RFC3: variants seen among roughly 807,000 people sequenced by gnomAD.
RFC3 encodes the protein replication factor C subunit 3.
In RFC3, 41 loss-of-function variants were observed where a neutral mutation model predicts 45.1. That is an observed-to-expected ratio of 0.91 (90% CI 0.71 to 1.18). RFC3 has a LOEUF of 1.18. Among genes scored for constraint, RFC3 ranks in the 50% most tolerant of loss-of-function variants. RFC3 has a pLI of 0.00. For synonymous variants in RFC3, 149 were observed against 144.0 expected, an observed-to-expected ratio of 1.03 and a Z score of -0.25; for missense variants, 423 against 428.1, an observed-to-expected ratio of 0.99 and a Z score of 0.10.
At chr13:33,833,488 A>G (rs2082122558) in intron 7 of RFC3, among the ~76,000 whole-genome samples, 1 of 152,170 alleles carries the variant, frequency 6.6e-6, no homozygotes, top group Admixed American at 6.5e-5. Context: ...TGTACTCTTA[A>G]TCACTTGTAA....
At chr13:33,834,328 A>ATATATATATATATATC (rs2082132381) in intron 7 of RFC3, among the ~76,000 whole-genome samples, 1 of 114,262 alleles carries the variant, frequency 8.8e-6, no homozygotes, top group Non-Finnish European at 1.9e-5. Context: ...ATATATATAT[A>ATATATATATATATATC]TATCTGTACT....
At chr13:33,860,865 T>G (rs2082336559) in intron 8 of RFC3, among the ~76,000 whole-genome samples, 1 of 151,958 alleles carries the variant, frequency 6.6e-6, no homozygotes, top group East Asian at 1.9e-4. Context: ...GCCAAATCCC[T>G]TTTTTTCCCC....
chr13:33,879,812 G>A (rs1318360050), intron 8 of RFC3, among the ~76,000 whole-genome samples: 2 of 152,182 alleles, frequency 1.3e-5, no homozygotes, highest in African/African-American at 4.8e-5. Context: ...AAACCAAGGT[G>A]TTGGCAGGGT....
At chr13:33,919,344 T>G (rs2137727126) in intron 8 of RFC3, among the ~76,000 whole-genome samples, 1 of 152,214 alleles carries the variant, frequency 6.6e-6, no homozygotes, top group East Asian at 1.9e-4. Context: ...ACCCTGAAAG[T>G]AGTTAGGCTG....
At chr13:33,818,848 C>T (rs2081973530) in intron 1 of RFC3, among the ~76,000 whole-genome samples, 1 of 147,512 alleles carries the variant, frequency 6.8e-6, no homozygotes, top group East Asian at 2.0e-4. Context: ...TTCTAATTCT[C>T]AAATAAATTG....
At chr13:33,960,365 T>G (rs2083049233) in intron 8 of RFC3, among the ~76,000 whole-genome samples, 1 of 152,168 alleles carries the variant, frequency 6.6e-6, no homozygotes, top group Non-Finnish European at 1.5e-5. Context: ...TCTGGTACCT[T>G]AAAGGATAAA....
At chr13:33,932,692 A>G (rs80051915) in intron 8 of RFC3, among the ~76,000 whole-genome samples, 3,715 of 152,286 alleles carry the variant, frequency 0.024, 137 homozygotes, top group African/African-American at 0.078. Context: ...TTATGTTATC[A>G]AGATAGTCAT....
intron 8 of RFC3, among the ~76,000 whole-genome samples, chr13:33,851,940 T>G (rs2082279241): frequency 6.6e-6 from 1 of 152,192 alleles, no homozygotes; most frequent in Admixed American, 6.5e-5. Context: ...TAAAATTGGC[T>G]TTCAGATATC....
At chr13:33,826,385 T>C (rs1258358429) in intron 4 of RFC3, among the ~76,000 whole-genome samples, 1 of 152,176 alleles carries the variant, frequency 6.6e-6, no homozygotes, top group Non-Finnish European at 1.5e-5. Context: ...CCAATAGCAG[T>C]GTTTGGGAGT....
intron 8 of RFC3, among the ~76,000 whole-genome samples, chr13:33,921,188 T>C (rs2082766499): frequency 6.6e-6 from 1 of 151,942 alleles, no homozygotes; most frequent in African/African-American, 2.4e-5. Context: ...AATTCAGGAG[T>C]GAATGTGGCA....
At chr13:33,946,976 C>G (rs1426904017) in intron 8 of RFC3, among the ~76,000 whole-genome samples, 1 of 152,204 alleles carries the variant, frequency 6.6e-6, no homozygotes, top group African/African-American at 2.4e-5. Context: ...AGTATACGTT[C>G]ATCAAGATAT....
chr13:33,892,616 A>G (rs1593671185), intron 8 of RFC3, among the ~76,000 whole-genome samples: 1 of 151,776 alleles, frequency 6.6e-6, no homozygotes, highest in African/African-American at 2.4e-5. Context: ...GTGTCTCCCA[A>G]CTCCCAGCCA....
At chr13:33,861,053 C>G (rs1269846256) in intron 8 of RFC3, among the ~76,000 whole-genome samples, 1 of 152,088 alleles carries the variant, frequency 6.6e-6, no homozygotes, top group Non-Finnish European at 1.5e-5. Flanking sequence ...CCAGAGCCAC[C>G]ATACCCAGCT....
downstream of RFC3, among the ~76,000 whole-genome samples, chr13:33,969,272 T>G (rs74046994): frequency 4.8e-3 from 727 of 152,270 alleles, 2 homozygotes; most frequent in African/African-American, 0.017. Context: ...ACCTCAAAGC[T>G]AAAGCAATTA....
the RFC3 span, among the ~76,000 whole-genome samples, chr13:33,976,579 A>G: frequency 6.6e-6 from 1 of 152,212 alleles, no homozygotes; most frequent in Admixed American, 6.5e-5. Context: ...TAATGTTCTC[A>G]TCACAAAGAT....
At chr13:33,820,431 C>T (rs1196270373) in intron 1 of RFC3, among the ~76,000 whole-genome samples, 1 of 152,202 alleles carries the variant, frequency 6.6e-6, no homozygotes, top group Admixed American at 6.5e-5. Context: ...GATAATCATA[C>T]GGCAGCTTCC....
At chr13:33,835,304 A>G in intron 8 of RFC3, 87 bp downstream of exon 8, 1 of 820,170 alleles carries the variant, frequency 1.2e-6, no homozygotes, top group Non-Finnish European at 2.2e-6. Flanking sequence ...CAGTATCAAG[A>G]TATCACCTCT....
intron 8 of RFC3, among the ~76,000 whole-genome samples, chr13:33,897,027 C>CAAAAAG (rs1435516332): frequency 6.6e-6 from 1 of 151,632 alleles, no homozygotes; most frequent in Admixed American, 6.6e-5. Context: ...AATTAATGTA[C>CAAAAAG]AAAAAGAAAA....
chr13:33,864,084 T>TG (rs1382593216), intron 8 of RFC3, among the ~76,000 whole-genome samples: 1 of 152,130 alleles, frequency 6.6e-6, no homozygotes, highest in African/African-American at 2.4e-5. Context: ...TGGAAGGCGA[T>TG]GGGGGACCTG....
Sources: gnomAD v4.1 joint callset for allele counts (sites outside exome capture counted in the v4.1 genomes callset) on GRCh38, gnomAD v4.1.1 for gene constraint, MANE v1.5 for transcripts, NCBI Gene and HGNC (gene_info 2026-07-23, HGNC 2026-07-21) for gene names.